GULP1: variants seen among roughly 807,000 people sequenced by gnomAD.
GULP1 encodes GULP PTB domain containing engulfment adaptor 1.
Under a neutral mutation model 40.9 loss-of-function variants are expected in GULP1, and 19 were observed. That is an observed-to-expected ratio of 0.46 (90% confidence interval 0.32 to 0.68). GULP1 has a LOEUF of 0.68. Among genes scored for constraint, GULP1 ranks in the 30% least tolerant of loss-of-function variants. The probability of loss-of-function intolerance (pLI) is 0.03; values close to 1 mark genes in which losing one functional copy is unlikely to be tolerated. For synonymous variants in GULP1, 119 were observed against 117.6 expected (o/e 1.01, Z -0.08); for missense variants, 312 against 362.2 (o/e 0.86, Z 1.12).
chr2:188,332,584 G>A (rs949357994), intron 1 of GULP1, among the ~76,000 whole-genome samples: 1 of 152,210 alleles, frequency 6.6e-6, no homozygotes, highest in South Asian at 2.1e-4. Flanking sequence ...ACTATAGCAG[G>A]GGAAGAAAAA....
chr2:188,489,014 T>A (rs142355729), intron 4 of GULP1, among the ~76,000 whole-genome samples: 5 of 151,880 alleles, frequency 3.3e-5, no homozygotes, highest in African/African-American at 1.2e-4. Context: ...TAAAAAAAAA[T>A]AATTTTACTA....
At chr2:188,403,467 C>G (rs72909579) in intron 2 of GULP1, among the ~76,000 whole-genome samples, 1,856 of 152,236 alleles carry the variant, frequency 0.012, 16 homozygotes, top group East Asian at 0.022. Context: ...TTTAAACTTA[C>G]ATTTGATAAA....
chr2:188,406,621 A>G (rs2053147271), intron 2 of GULP1, among the ~76,000 whole-genome samples: 1 of 152,172 alleles, frequency 6.6e-6, no homozygotes, highest in Admixed American at 6.5e-5. Context: ...TCAAACAGAA[A>G]AAAAATCTGT....
intron 8 of GULP1, chr2:188,569,556 C>A (rs1470142412): frequency 1.2e-5 from 6 of 508,968 alleles, no homozygotes; most frequent in Non-Finnish European, 2.1e-5. Flanking sequence ...TATTGAATTC[C>A]CACAAGAACT....
intron 3 of GULP1, 27 bp downstream of exon 3, chr2:188,477,757 G>A (rs374687427): frequency 4.5e-5 from 70 of 1,570,280 alleles, no homozygotes; most frequent in East Asian, 4.1e-4. Flanking sequence ...TTTAAAACTT[G>A]GGAGTCAAGC....
intron 3 of GULP1, among the ~76,000 whole-genome samples, chr2:188,478,379 C>T (rs1195105629): frequency 6.6e-6 from 1 of 152,048 alleles, no homozygotes. Flanking sequence ...ATAAATATAA[C>T]TTTGCGTAGG....
intron 4 of GULP1, among the ~76,000 whole-genome samples, chr2:188,493,477 T>A (rs1351219511): frequency 6.6e-6 from 1 of 152,108 alleles, no homozygotes; most frequent in Non-Finnish European, 1.5e-5. Context: ...TTCTTTTTTC[T>A]ACTCCCCTTG....
chr2:188,488,935 C>T (rs550775478), intron 4 of GULP1, among the ~76,000 whole-genome samples: 1 of 151,730 alleles, frequency 6.6e-6, no homozygotes, highest in Non-Finnish European at 1.5e-5. Context: ...TACAAGTAAT[C>T]AGTTAATGAA....
At chr2:188,332,284 G>T (rs2041708717) in intron 1 of GULP1, among the ~76,000 whole-genome samples, 2 of 147,684 alleles carry the variant, frequency 1.4e-5, no homozygotes, top group Admixed American at 7.0e-5. Flanking sequence ...CCACCTCCCA[G>T]GTGCAAGCCA....
chr2:188,315,314 T>C (rs1559101852), intron 1 of GULP1, among the ~76,000 whole-genome samples: 2 of 152,190 alleles, frequency 1.3e-5, no homozygotes, highest in Non-Finnish European at 2.9e-5. Context: ...CTGTGCCTAA[T>C]TTATAAATTA....
At chr2:188,318,236 T>TATG (rs2039423409) in intron 1 of GULP1, among the ~76,000 whole-genome samples, 1 of 152,086 alleles carries the variant, frequency 6.6e-6, no homozygotes, top group Admixed American at 6.6e-5. Flanking sequence ...TATCGCTATA[T>TATG]ATGTTATTTT....
chr2:188,432,847 G>T (rs1049942928), intron 2 of GULP1, among the ~76,000 whole-genome samples: 1 of 151,858 alleles, frequency 6.6e-6, no homozygotes, highest in Admixed American at 6.6e-5. Context: ...GCCAAAACAC[G>T]TTACAAAATA....
At chr2:188,447,148 T>G (rs542911534) in intron 2 of GULP1, among the ~76,000 whole-genome samples, 1 of 152,080 alleles carries the variant, frequency 6.6e-6, no homozygotes, top group Non-Finnish European at 1.5e-5. Flanking sequence ...TTATTATCAA[T>G]AGAAAGGAAA....
At chr2:188,543,867 G>A (rs1358264471) in intron 7 of GULP1, among the ~76,000 whole-genome samples, 3 of 152,008 alleles carry the variant, frequency 2.0e-5, no homozygotes, top group Admixed American at 6.6e-5. Context: ...TATCTTTTTA[G>A]TACTTCTTTG....
intron 2 of GULP1, among the ~76,000 whole-genome samples, chr2:188,424,299 A>G (rs1047526244): frequency 6.6e-5 from 10 of 151,960 alleles, no homozygotes; most frequent in African/African-American, 2.2e-4. Flanking sequence ...GGAGTTTATT[A>G]TAATCATTGC....
chr2:188,382,198 A>T (rs190393490), intron 1 of GULP1, among the ~76,000 whole-genome samples: 2 of 152,164 alleles, frequency 1.3e-5, no homozygotes, highest in Non-Finnish European at 2.9e-5. Flanking sequence ...ACAAGAGACC[A>T]CTTTGCCAAC....
chr2:188,541,457 G>A (rs749831708), intron 7 of GULP1, 139 bp downstream of exon 7: 2 of 764,286 alleles, frequency 2.6e-6, no homozygotes, highest in Non-Finnish European at 4.7e-6. Context: ...ATACTTAGCT[G>A]TACTAATAGA....
chr2:188,500,962 G>C (rs1452939037), intron 4 of GULP1, among the ~76,000 whole-genome samples: 3 of 151,834 alleles, frequency 2.0e-5, no homozygotes, highest in African/African-American at 7.3e-5. Context: ...ACTGTTAACT[G>C]CTTAAAATTT....
chr2:188,493,162 C>T (rs1367638550), intron 4 of GULP1, among the ~76,000 whole-genome samples: 1 of 152,004 alleles, frequency 6.6e-6, no homozygotes, highest in Non-Finnish European at 1.5e-5. Context: ...AGATGTTTTT[C>T]TAAAAATGAC....
Sources: gnomAD v4.1 joint callset for allele counts (sites outside exome capture counted in the v4.1 genomes callset) on GRCh38, gnomAD v4.1.1 for gene constraint, MANE v1.5 for transcripts, NCBI Gene and HGNC (gene_info 2026-07-23, HGNC 2026-07-21) for gene names.